Variants in CFAP299 observed in about 807,000 individuals in gnomAD.
CFAP299 encodes cilia and flagella associated protein 299.
In CFAP299, 21 loss-of-function variants were observed where a neutral mutation model predicts 27.0. The ratio of observed to expected loss-of-function variants is 0.78; its 90% CI spans 0.55 to 1.12. CFAP299 has a LOEUF of 1.12. CFAP299 is among the 50% of genes most tolerant of loss of function. The probability of loss-of-function intolerance (pLI) is 0.00; values close to 1 mark genes in which losing one functional copy is unlikely to be tolerated. For missense variants in CFAP299, 310 were observed against 276.6 expected (o/e 1.12, Z -0.86); for synonymous variants, 104 against 98.1 (o/e 1.06, Z -0.36).
intron 2 of CFAP299, among the ~76,000 whole-genome samples, chr4:80,454,898 C>T (rs1017924721): frequency 4.0e-5 from 6 of 151,876 alleles, no homozygotes; most frequent in Admixed American, 6.6e-5. Context: ...TTGACTGGTC[C>T]GGTTGGAGAT....
At chr4:80,681,395 C>T (rs1229012686) in intron 3 of CFAP299, among the ~76,000 whole-genome samples, 1 of 150,468 alleles carries the variant, frequency 6.6e-6, no homozygotes, top group African/African-American at 2.5e-5. Context: ...GTCAGGTACA[C>T]AAGAGAAATC....
chr4:80,335,976 A>G (rs1479970832), intron 1 of CFAP299, 97 bp downstream of exon 1: 2 of 769,886 alleles, frequency 2.6e-6, no homozygotes, highest in Non-Finnish European at 4.4e-6. Context: ...GGCGCTGGAC[A>G]GCTCAGCTGT....
intron 4 of CFAP299, among the ~76,000 whole-genome samples, chr4:80,888,769 A>G (rs1408626975): frequency 1.3e-5 from 2 of 152,014 alleles, no homozygotes; most frequent in African/African-American, 2.4e-5. Context: ...AATATCAAAC[A>G]TGTTCTGAAA....
At chr4:80,467,891 C>A (rs1271256852) in intron 2 of CFAP299, among the ~76,000 whole-genome samples, 1 of 152,084 alleles carries the variant, frequency 6.6e-6, no homozygotes, top group Non-Finnish European at 1.5e-5. Context: ...AGGGAAGAGG[C>A]CCTTATAAAA....
chr4:80,430,541 A>G (rs925312068), intron 2 of CFAP299, among the ~76,000 whole-genome samples: 1 of 152,192 alleles, frequency 6.6e-6, no homozygotes, highest in Non-Finnish European at 1.5e-5. Flanking sequence ...CTTAGGTCAC[A>G]AGGATGTTTG....
At position 80,404,608 on chromosome 4, in the gene CFAP299, A is replaced by G. The variant is rs114598353; in HGVS notation, c.242+41724A>G. Among the ~76,000 whole-genome samples, 555 of 152,336 alleles carry G rather than the reference A, an allele frequency of 3.6e-3. 1 individual carries two copies. The highest frequency in any genetic ancestry group is 0.013 in the African/African-American group (524 of 41,584). On this transcript the variant is annotated intron_variant, in intron 2 of 5. Transcript: ENST00000358105. Reference sequence around the variant, plus strand: ...GATTGTCCATGTTGTAGCATCTACCAAAATTTCCTTCATTTGTGAGGCTGA... The same window carrying G: ...GATTGTCCATGTTGTAGCATCTACCGAAATTTCCTTCATTTGTGAGGCTGA...
At chr4:80,883,643 A>G (rs1733827378) in intron 4 of CFAP299, among the ~76,000 whole-genome samples, 1 of 152,176 alleles carries the variant, frequency 6.6e-6, no homozygotes, top group Non-Finnish European at 1.5e-5. Flanking sequence ...CTAATCTTAT[A>G]TTAGACAAAA....
At chr4:80,456,294 G>A (rs1026402698) in intron 2 of CFAP299, among the ~76,000 whole-genome samples, 10 of 152,052 alleles carry the variant, frequency 6.6e-5, no homozygotes, top group Admixed American at 6.6e-4. Context: ...GAAGACATTA[G>A]AGGGCTTTGC....
intron 4 of CFAP299, among the ~76,000 whole-genome samples, chr4:80,890,962 C>G (rs1466457351): frequency 6.6e-6 from 1 of 151,518 alleles, no homozygotes; most frequent in African/African-American, 2.4e-5. Flanking sequence ...TGGATATTAG[C>G]CCTTTGTCAG....
At chr4:80,470,155 A>G (rs1473603077) in intron 2 of CFAP299, among the ~76,000 whole-genome samples, 2 of 152,144 alleles carry the variant, frequency 1.3e-5, no homozygotes, top group Non-Finnish European at 2.9e-5. Flanking sequence ...CAGGAAAACC[A>G]AGAATCAGCC....
chr4:80,594,561 T>A (rs1416821780), intron 3 of CFAP299, among the ~76,000 whole-genome samples: 1 of 152,240 alleles, frequency 6.6e-6, no homozygotes, highest in Non-Finnish European at 1.5e-5. Context: ...AAAGCATGAA[T>A]AATCTTGCTT....
intron 3 of CFAP299, among the ~76,000 whole-genome samples, chr4:80,718,939 A>T (rs1578055146): frequency 6.6e-6 from 1 of 152,238 alleles, no homozygotes; most frequent in South Asian, 2.1e-4. Context: ...GTACATATAC[A>T]CCATGGAATA....
chr4:80,676,304 G>A (rs982644085), intron 3 of CFAP299, among the ~76,000 whole-genome samples: 1 of 152,146 alleles, frequency 6.6e-6, no homozygotes, highest in Non-Finnish European at 1.5e-5. Flanking sequence ...AGGATGAATT[G>A]CACTAAATCA....
At chr4:80,924,845 G>A (rs893112421) in intron 4 of CFAP299, among the ~76,000 whole-genome samples, 1 of 151,084 alleles carries the variant, frequency 6.6e-6, no homozygotes, top group Non-Finnish European at 1.5e-5. Context: ...TTTATTATTA[G>A]CAATGCTTAT....
intron 3 of CFAP299, among the ~76,000 whole-genome samples, chr4:80,698,424 A>G (rs1721249823): frequency 6.6e-6 from 1 of 152,172 alleles, no homozygotes; most frequent in Non-Finnish European, 1.5e-5. Context: ...TATGAATGAG[A>G]ATACTCTATT....
chr4:80,790,094 T>G (rs1489636698), intron 3 of CFAP299, among the ~76,000 whole-genome samples: 1 of 152,036 alleles, frequency 6.6e-6, no homozygotes, highest in Non-Finnish European at 1.5e-5. Context: ...CTATTACAGT[T>G]CTTTTGTGTG....
chr4:80,814,916 G>C lies in CFAP299; in HGVS notation c.334-55077G>C, dbSNP rs72881505. Among the ~76,000 whole-genome samples the C allele has an allele frequency of 4.0e-3, 614 of 152,128 alleles. 1 individual carries two copies. The highest frequency in any genetic ancestry group is 0.014 in the African/African-American group (590 of 41,540). On this transcript the variant is annotated intron_variant, in intron 3 of 5. Transcript: ENST00000358105. ...CCCAGATATCAGGGAAGTGCCTAAA[G>C]GGATATAAACCCCAAAACACATAGA...
At chr4:80,556,268 A>G (rs572886987) in intron 2 of CFAP299, among the ~76,000 whole-genome samples, 6 of 152,190 alleles carry the variant, frequency 3.9e-5, no homozygotes, top group African/African-American at 1.4e-4. Context: ...AAGAAGCAAG[A>G]TTGAACTGTA....
chr4:80,651,383 T>C (rs959637098), intron 3 of CFAP299, among the ~76,000 whole-genome samples: 2 of 150,396 alleles, frequency 1.3e-5, no homozygotes, highest in Non-Finnish European at 3.0e-5. Context: ...TTTTTTTTGT[T>C]GAGACAGAGT....
Sources: allele counts gnomAD v4.1 joint callset (sites outside exome capture counted in the v4.1 genomes callset), GRCh38; gene constraint gnomAD v4.1.1; transcripts MANE v1.5; gene names NCBI Gene and HGNC (gene_info 2026-07-23, HGNC 2026-07-21).